OTUD7A: variants seen among roughly 807,000 people sequenced by gnomAD.
OTUD7A encodes OTU domain-containing protein 7A.
A neutral mutation model predicts 65.7 loss-of-function variants in OTUD7A; 12 were observed. The observed-to-expected ratio is 0.18, with a 90% CI of 0.12 to 0.30. OTUD7A has a LOEUF of 0.30. OTUD7A is among the 10% of genes least tolerant of loss of function. The probability of loss-of-function intolerance (pLI) is 1.00; values close to 1 mark genes in which losing one functional copy is unlikely to be tolerated. For synonymous variants in OTUD7A, 641 were observed against 586.3 expected, an observed-to-expected ratio of 1.09 and a Z score of -1.35; for missense variants, 1,148 against 1,304.8, an observed-to-expected ratio of 0.88 and a Z score of 1.85.
chr15:31,632,219 T>G (rs549261557), intron 3 of OTUD7A, among the ~76,000 whole-genome samples: 10 of 152,298 alleles, frequency 6.6e-5, no homozygotes, highest in African/African-American at 2.2e-4. Flanking sequence ...TCTTTGTGGC[T>G]TTATCTACTT....
In OTUD7A at chr15:31,676,341, G is replaced by A. The variant is rs371299607; in HGVS notation, c.-99-19264C>T. On this transcript the variant is annotated intron_variant, in intron 1 of 12. Transcript: ENST00000307050. ...GCTCAGCCCCATGTAGTAAATCCACGGGCTTAATACATGGGCTGATGATTG... is the reference window on the plus strand; with the variant it reads ...GCTCAGCCCCATGTAGTAAATCCACAGGCTTAATACATGGGCTGATGATTG... Among the ~76,000 whole-genome samples the A allele has an allele frequency of 4.0e-5, 6 of 151,872 alleles. No individual in the cohort carries two copies. In the South Asian group the frequency reaches 8.3e-4, roughly 21 times the overall value.
chr15:31,728,661 G>C (rs142384340), intron 1 of OTUD7A, among the ~76,000 whole-genome samples: 4 of 152,268 alleles, frequency 2.6e-5, no homozygotes, highest in African/African-American at 9.6e-5. Context: ...ATATCCTTTA[G>C]GTCTCAGGTG....
At chr15:31,769,272 G>T (rs1002950963) in intron 1 of OTUD7A, among the ~76,000 whole-genome samples, 2 of 152,144 alleles carry the variant, frequency 1.3e-5, no homozygotes, top group Admixed American at 6.5e-5. Flanking sequence ...AAATTCCAAG[G>T]ATTAAGAGAG....
At chr15:31,577,255 AGGTCT>A (rs1323140111) in intron 3 of OTUD7A, among the ~76,000 whole-genome samples, 1 of 152,152 alleles carries the variant, frequency 6.6e-6, no homozygotes, top group East Asian at 1.9e-4. Flanking sequence ...ACACGTTGTA[AGGTCT>A]GAAACATTTG....
chr15:31,646,738 C>T (rs192673462), intron 3 of OTUD7A, among the ~76,000 whole-genome samples: 1 of 152,230 alleles, frequency 6.6e-6, no homozygotes, highest in African/African-American at 2.4e-5. Flanking sequence ...GGATTACAGG[C>T]GTGAGCCACC....
In OTUD7A at chr15:31,822,269, T is replaced by C. The variant is rs1352294251; in HGVS notation, c.-100+48238A>G. Among the ~76,000 whole-genome samples the C allele has an allele frequency of 3.3e-5, 5 of 152,290 alleles. No homozygotes were observed. The South Asian group carries it at 8.3e-4, about 25-fold the overall frequency. ...AATGGCATAGTGAGAAACGGAGCCA[T>C]GTAGGCAGACACAGGCATGGGCTTC... On this transcript the variant is annotated intron_variant, in intron 1 of 12. Transcript: ENST00000307050.
chr15:31,587,061 T>A (rs1889562935), intron 3 of OTUD7A, among the ~76,000 whole-genome samples: 1 of 152,160 alleles, frequency 6.6e-6, no homozygotes, highest in South Asian at 2.1e-4. Flanking sequence ...TCTGCTCGGC[T>A]ATCTAAGAGC....
chr15:31,758,630 T>G (rs1894878469), intron 1 of OTUD7A, among the ~76,000 whole-genome samples: 1 of 152,220 alleles, frequency 6.6e-6, no homozygotes. Context: ...TAATATGTTC[T>G]AAAAATATAT....
At chr15:31,636,456 C>CT (rs1377672621) in intron 3 of OTUD7A, among the ~76,000 whole-genome samples, 1 of 152,176 alleles carries the variant, frequency 6.6e-6, no homozygotes, top group Non-Finnish European at 1.5e-5. Context: ...AGTGATTCTC[C>CT]TGTCTCCCTC....
intron 1 of OTUD7A, among the ~76,000 whole-genome samples, chr15:31,845,219 A>C (rs1422851898): frequency 6.6e-6 from 1 of 152,022 alleles, no homozygotes; most frequent in Non-Finnish European, 1.5e-5. Context: ...GCATCCTCTC[A>C]CCTGCGCTAG....
chr15:31,670,762 C>T (rs1306457436), intron 1 of OTUD7A, among the ~76,000 whole-genome samples: 8 of 152,192 alleles, frequency 5.3e-5, no homozygotes, highest in Admixed American at 2.6e-4. Context: ...GAGGCCGAAG[C>T]GGGCGGATCA....
intron 1 of OTUD7A, among the ~76,000 whole-genome samples, chr15:31,762,701 T>A (rs1003991285): frequency 6.6e-6 from 1 of 152,212 alleles, no homozygotes; most frequent in Non-Finnish European, 1.5e-5. Flanking sequence ...TGGAACCACA[T>A]CCCTGAAAGG....
intron 1 of OTUD7A, among the ~76,000 whole-genome samples, chr15:31,869,895 G>A (rs914452527): frequency 1.3e-5 from 2 of 152,178 alleles, no homozygotes; most frequent in African/African-American, 2.4e-5. Flanking sequence ...CCCCTCCAGT[G>A]AGGAGATACT....
At chr15:31,708,793 C>A (rs543573793) in intron 1 of OTUD7A, among the ~76,000 whole-genome samples, 1 of 151,398 alleles carries the variant, frequency 6.6e-6, no homozygotes, top group African/African-American at 2.4e-5. Context: ...CTATCTGTCA[C>A]GGACAAGGGG....
intron 3 of OTUD7A, among the ~76,000 whole-genome samples, chr15:31,592,963 G>GTATATA (rs57472463): frequency 2.8e-5 from 3 of 106,726 alleles, no homozygotes; most frequent in African/African-American, 1.1e-4. Flanking sequence ...ATATATATAT[G>GTATATA]TATATATATA....
intron 1 of OTUD7A, among the ~76,000 whole-genome samples, chr15:31,739,763 GT>G (rs1413059814): frequency 2.0e-5 from 3 of 152,104 alleles, no homozygotes; most frequent in Non-Finnish European, 2.9e-5. Flanking sequence ...GTAGAGATGG[GT>G]TTTTGCCATG....
chr15:31,532,933 C>CAA (rs35993038), intron 5 of OTUD7A, among the ~76,000 whole-genome samples: 54 of 56,416 alleles, frequency 9.6e-4, no homozygotes, highest in East Asian at 3.7e-3. Flanking sequence ...GACTCCGTAT[C>CAA]AAAAAAAAAA....
intron 3 of OTUD7A, among the ~76,000 whole-genome samples, chr15:31,586,757 G>A (rs570009342): frequency 1.4e-3 from 209 of 152,194 alleles, no homozygotes; most frequent in African/African-American, 4.8e-3. Flanking sequence ...CCAACCCCAG[G>A]AACACTGAGA....
intron 1 of OTUD7A, among the ~76,000 whole-genome samples, chr15:31,775,051 TATGC>T (rs1895338573): frequency 6.7e-6 from 1 of 150,274 alleles, no homozygotes; most frequent in African/African-American, 2.5e-5. Flanking sequence ...TCCTCTGACC[TATGC>T]ATGCACGTGT....
Sources: allele counts gnomAD v4.1 joint callset (sites outside exome capture counted in the v4.1 genomes callset), GRCh38; gene constraint gnomAD v4.1.1; transcripts MANE v1.5; gene names NCBI Gene and HGNC (gene_info 2026-07-23, HGNC 2026-07-21).